CSGALNACT1: variants seen among roughly 807,000 people sequenced by gnomAD.
CSGALNACT1 encodes chondroitin sulfate N-acetylgalactosaminyltransferase 1.
In CSGALNACT1, 52 loss-of-function variants were observed where a neutral mutation model predicts 51.0. The observed-to-expected ratio is 1.02, with a 90% CI of 0.82 to 1.29. The LOEUF (loss-of-function observed/expected upper bound fraction) is 1.29. Among genes scored for constraint, CSGALNACT1 ranks in the 50% most tolerant of loss-of-function variants. The pLI, the probability that CSGALNACT1 is intolerant of heterozygous loss-of-function variation, is 0.00. For missense variants in CSGALNACT1, 935 were observed against 679.2 expected (o/e 1.38, Z -4.19); for synonymous variants, 341 against 254.4 (o/e 1.34, Z -3.24).
At chr8:19,588,913 C>T (rs2047222000) in intron 3 of CSGALNACT1, among the ~76,000 whole-genome samples, 1 of 152,106 alleles carries the variant, frequency 6.6e-6, no homozygotes, top group African/African-American at 2.4e-5. Flanking sequence ...TGACACATTA[C>T]TCAATGCATA....
intron 1 of CSGALNACT1, among the ~76,000 whole-genome samples, chr8:19,638,148 GGCCCTCCTTTGTATTGAAACTCC>G (rs1310378329): frequency 1.8e-4 from 14 of 79,988 alleles, no homozygotes; most frequent in African/African-American, 8.6e-4. Context: ...TAGCTTCCCA[GGCCCTCCTTTGTATTGAAACTCC>G]CTTCCCTGCC....
At chr8:19,633,978 C>G (rs2055661026) in intron 1 of CSGALNACT1, among the ~76,000 whole-genome samples, 1 of 152,200 alleles carries the variant, frequency 6.6e-6, no homozygotes, top group Non-Finnish European at 1.5e-5. Flanking sequence ...TTCCTACTTT[C>G]ACTTAACAGT....
Position 19,655,577 on chromosome 8 carries a change from C to CAT in CSGALNACT1, c.-544+26895_-544+26896insAT, listed in dbSNP as rs746855609. Among the ~76,000 whole-genome samples, 526 of 147,632 alleles carry CAT rather than the reference C, an allele frequency of 3.6e-3. 8 individuals are homozygous for CAT. In the South Asian group the frequency reaches 0.05, roughly 14 times the overall value. On this transcript the variant is annotated intron_variant, in intron 1 of 9. Coordinates refer to the CSGALNACT1 transcript ENST00000332246. ...ATATATATACACACACACACACACA[C>CAT]ACATATATATATATATATATTTGCA...
At chr8:19,713,458 C>T (rs953021409) in intron 1 of CSGALNACT1, among the ~76,000 whole-genome samples, 2 of 152,122 alleles carry the variant, frequency 1.3e-5, no homozygotes, top group African/African-American at 2.4e-5. Context: ...AGGTGGAAGT[C>T]CTCACCCACA....
intron 3 of CSGALNACT1, among the ~76,000 whole-genome samples, chr8:19,516,024 G>A (rs1477132740): frequency 1.3e-5 from 2 of 152,132 alleles, no homozygotes; most frequent in African/African-American, 2.4e-5. Context: ...AACCCCGCAA[G>A]GAGACCTGAC....
intron 4 of CSGALNACT1, among the ~76,000 whole-genome samples, chr8:19,503,901 G>C (rs954172245): frequency 2.0e-5 from 3 of 151,670 alleles, no homozygotes; most frequent in African/African-American, 7.3e-5. Flanking sequence ...CACTTATCAA[G>C]TCTAAAAAAG....
intron 3 of CSGALNACT1, among the ~76,000 whole-genome samples, chr8:19,523,833 G>T (rs1359909769): frequency 6.6e-6 from 1 of 152,288 alleles, no homozygotes; most frequent in African/African-American, 2.4e-5. Flanking sequence ...AAGGGAATGT[G>T]ATCAGTCATT....
intron 1 of CSGALNACT1, among the ~76,000 whole-genome samples, chr8:19,663,061 A>G (rs2058895547): frequency 1.3e-5 from 2 of 152,198 alleles, no homozygotes; most frequent in Admixed American, 1.3e-4. Flanking sequence ...GATGCTCTCT[A>G]TCAATCTATT....
intron 1 of CSGALNACT1, among the ~76,000 whole-genome samples, chr8:19,746,883 G>C (rs1027265): frequency 6.6e-6 from 1 of 152,148 alleles, no homozygotes; most frequent in Non-Finnish European, 1.5e-5. Flanking sequence ...TGGAGAGCAA[G>C]GGCGATACTT....
At chr8:19,638,215 G>C (rs1016776538) in intron 1 of CSGALNACT1, among the ~76,000 whole-genome samples, 1 of 152,102 alleles carries the variant, frequency 6.6e-6, no homozygotes, top group African/African-American at 2.4e-5. Flanking sequence ...TCACCCTTCA[G>C]GTCTCAGCTC....
intron 3 of CSGALNACT1, among the ~76,000 whole-genome samples, chr8:19,551,758 T>C (rs937810215): frequency 6.6e-6 from 1 of 152,198 alleles, no homozygotes; most frequent in Non-Finnish European, 1.5e-5. Flanking sequence ...TCCCAAAAAT[T>C]TGTTGACATT....
intron 1 of CSGALNACT1, among the ~76,000 whole-genome samples, chr8:19,666,954 A>G (rs1466517198): frequency 7.4e-5 from 1 of 13,552 alleles, no homozygotes; most frequent in Non-Finnish European, 1.3e-4. Context: ...AAAGAAAGAA[A>G]GAAAGAAAGA....
At chr8:19,505,117 C>A (rs1263548660) in intron 4 of CSGALNACT1, 84 bp downstream of exon 3, 6 of 1,496,618 alleles carry the variant, frequency 4.0e-6, no homozygotes, top group African/African-American at 2.8e-5. Flanking sequence ...CAGCTGCCAG[C>A]CTCCTGGAGC....
chr8:19,424,746 G>C (rs887751634), intron 6 of CSGALNACT1, among the ~76,000 whole-genome samples: 40 of 152,192 alleles, frequency 2.6e-4, no homozygotes, highest in Non-Finnish European at 4.7e-4. Flanking sequence ...CTCAACAGTG[G>C]ATTGAAAGGC....
rs200382198 is a variant in CSGALNACT1, at chr8:19,415,162, T to TCA, written c.1227+3492_1227+3493dup. Among the ~76,000 whole-genome samples, 356 of 152,288 alleles carry TCA rather than the reference T, an allele frequency of 2.3e-3. 1 individual carries two copies. The highest frequency in any genetic ancestry group is 8.3e-3 in the African/African-American group (346 of 41,536). On this transcript the variant is annotated intron_variant, in intron 8 of 9. Transcript: ENST00000454498. ...GCTGTACAATCCTGAACAAGCCAGTTCACCTCTATAAAAAGAAGAAAGTGA... is the reference window on the plus strand; with the variant it reads ...GCTGTACAATCCTGAACAAGCCAGTTCACACCTCTATAAAAAGAAGAAAGTGA...
At chr8:19,407,931 G>GTC (rs1563251719) in intron 9 of CSGALNACT1, among the ~76,000 whole-genome samples, 2 of 151,226 alleles carry the variant, frequency 1.3e-5, no homozygotes, top group African/African-American at 4.9e-5. Context: ...GTGTGTGTGT[G>GTC]TGTGTGTGTG....
At chr8:19,573,467 T>C (rs10091002) in intron 3 of CSGALNACT1, among the ~76,000 whole-genome samples, 1 of 151,434 alleles carries the variant, frequency 6.6e-6, no homozygotes, top group African/African-American at 2.4e-5. Context: ...TTTTGGACAC[T>C]AAGTCTCACT....
At chr8:19,441,272 G>A (rs886336230) in intron 5 of CSGALNACT1, among the ~76,000 whole-genome samples, 1 of 152,186 alleles carries the variant, frequency 6.6e-6, no homozygotes, top group African/African-American at 2.4e-5. Context: ...TCAATCCTAA[G>A]CCAAAAGATC....
At chr8:19,538,453 G>A (rs1471783605) in intron 3 of CSGALNACT1, among the ~76,000 whole-genome samples, 1 of 152,188 alleles carries the variant, frequency 6.6e-6, no homozygotes, top group East Asian at 1.9e-4. Context: ...AAGCAATGAT[G>A]CAGGCAAAAG....
Sources: allele counts gnomAD v4.1 joint callset (sites outside exome capture counted in the v4.1 genomes callset), GRCh38; gene constraint gnomAD v4.1.1; transcripts MANE v1.5; gene names NCBI Gene and HGNC (gene_info 2026-07-23, HGNC 2026-07-21).